FAM117A: variants seen among roughly 807,000 people sequenced by gnomAD.
The protein encoded by FAM117A is family with sequence similarity 117 member A.
In FAM117A, 21 loss-of-function variants were observed where a neutral mutation model predicts 44.1. The observed-to-expected ratio is 0.48, with a 90% CI of 0.34 to 0.69. The LOEUF is 0.69. Among genes scored for constraint, FAM117A ranks in the 30% least tolerant of loss-of-function variants. FAM117A has a pLI of 0.01. For missense variants in FAM117A, 498 were observed against 589.9 expected (o/e 0.84, Z 1.61); for synonymous variants, 220 against 238.3 (o/e 0.92, Z 0.71).
intron 1 of FAM117A, among the ~76,000 whole-genome samples, chr17:49,777,382 C>T (rs1011187790): frequency 1.3e-5 from 2 of 152,066 alleles, no homozygotes; most frequent in Admixed American, 6.5e-5. Context: ...TCCTTCAGAC[C>T]CAGCTTTGGG....
intron 1 of FAM117A, among the ~76,000 whole-genome samples, chr17:49,784,544 C>T (rs961477750): frequency 4.6e-5 from 7 of 152,162 alleles, no homozygotes; most frequent in African/African-American, 7.2e-5. Context: ...GTACCCTCCC[C>T]GGCACCCATA....
chr17:49,752,259 T>C (rs914633333), intron 1 of FAM117A, among the ~76,000 whole-genome samples: 2 of 152,218 alleles, frequency 1.3e-5, no homozygotes, highest in African/African-American at 4.8e-5. Flanking sequence ...ACTGGGCACA[T>C]GCCTGTCTCG....
At chr17:49,757,578 C>T (rs971576566) in intron 1 of FAM117A, among the ~76,000 whole-genome samples, 2 of 152,184 alleles carry the variant, frequency 1.3e-5, no homozygotes, top group African/African-American at 4.8e-5. Flanking sequence ...CCAGCTGTTA[C>T]GAGAACCTCC....
At chr17:49,739,395 G>A (rs1041051682) in intron 1 of FAM117A, among the ~76,000 whole-genome samples, 5 of 152,134 alleles carry the variant, frequency 3.3e-5, no homozygotes, top group Admixed American at 3.3e-4. Context: ...AAGTGATGCA[G>A]GGTAGAATAC....
chr17:49,717,738 C>T lies in FAM117A; in HGVS notation c.709-24G>A, dbSNP rs759586119. The T allele has an allele frequency of 7.0e-6, 11 of 1,563,970 alleles. No individual in the cohort carries two copies. The South Asian group carries it at 1.3e-4, about 19-fold the overall frequency. On this transcript the variant is annotated intron_variant, in intron 5 of 7. Coordinates refer to ENST00000240364, the MANE Select transcript of FAM117A (RefSeq NM_030802.4). ...ATCTAACGGGGAAGGACGGTAAAGACTGTCAGCCCTGAGTATTTCAGGCCT... is the reference window on the plus strand; with the variant it reads ...ATCTAACGGGGAAGGACGGTAAAGATTGTCAGCCCTGAGTATTTCAGGCCT...
chr17:49,722,732 G>T, intron 2 of FAM117A, 138 bp from the exon 3 acceptor site: 1 of 656,578 alleles, frequency 1.5e-6, no homozygotes, highest in Non-Finnish European at 2.7e-6. Flanking sequence ...CTCCCAGTCG[G>T]TGTTCTTCTT....
intron 5 of FAM117A, 180 bp downstream of exon 5, chr17:49,719,580 G>A (rs1293115419): frequency 6.6e-6 from 5 of 754,980 alleles, no homozygotes; most frequent in Admixed American, 3.1e-5. Context: ...AGTGACATGG[G>A]TTAAGGCCAT....
Position 49,764,036 on chromosome 17 carries a change from G to A in FAM117A, c.52C>T (p.Arg18Cys). The A allele has an allele frequency of 9.1e-7, 1 of 1,093,402 alleles. No individual in the cohort carries two copies. Among genetic ancestry groups the A allele is most frequent in the Non-Finnish European group, 1.1e-6 (1 of 877,682 alleles). 67.7% of individuals were successfully genotyped at this position (1,093,402 alleles called of 1,614,324 possible). A position where few individuals can be genotyped will look rare whatever the true frequency, so the allele number is the denominator to read the frequency against. ...GRGGGAWGPG[R>C]GGAGGLRRGC... ...CGCCGGAGCCCCCCGGCCCCTCCGC[G>A]CCCCGGCCCCCAGGCACCTCCGCCT... Residue 18 changes from arginine to cysteine, a missense_variant, in exon 1 of 8, where the codon CGC (arginine) becomes TGC (cysteine). By Grantham distance (180) the Arg-to-Cys change is radical (BLOSUM62 -3). Transcript: ENST00000240364.
intron 2 of FAM117A, 45 bp downstream of exon 2, chr17:49,732,506 C>G (rs769117334): frequency 6.3e-7 from 1 of 1,597,156 alleles, no homozygotes; most frequent in South Asian, 1.1e-5. Flanking sequence ...CCAGCTCTCC[C>G]GCCCCATCCT....
rs150090720 is a variant in FAM117A at position 49,730,845 on chromosome 17, C to A, written c.366+1706G>T. Among the ~76,000 whole-genome samples, 1,256 of 152,240 alleles carry A rather than the reference C, an allele frequency of 8.3e-3. 11 individuals are homozygous for A. Among genetic ancestry groups the A allele is most frequent in the African/African-American group, 0.012 (481 of 41,544 alleles). ...AGTCTATTTGTAGATCCAAAGAGGGCCATGATTTTAACTGCAGCAAATTCT... is the reference window on the plus strand; with the variant it reads ...AGTCTATTTGTAGATCCAAAGAGGGACATGATTTTAACTGCAGCAAATTCT... On this transcript the variant is annotated intron_variant, in intron 2 of 7. Coordinates refer to ENST00000240364, the MANE Select transcript of FAM117A (RefSeq NM_030802.4).
chr17:49,784,630 T>G (rs970860875), intron 1 of FAM117A, among the ~76,000 whole-genome samples: 2 of 152,236 alleles, frequency 1.3e-5, no homozygotes, highest in African/African-American at 4.8e-5. Context: ...ATTGTCCTTG[T>G]TTACTGGCAA....
upstream of FAM117A, among the ~76,000 whole-genome samples, chr17:49,764,706 T>G (rs2073739765): frequency 6.6e-6 from 1 of 152,252 alleles, no homozygotes. Flanking sequence ...ACTAAGATCC[T>G]ACAAATTAAT....
chr17:49,720,658 A>G (rs1015801311), intron 3 of FAM117A, among the ~76,000 whole-genome samples: 1 of 152,234 alleles, frequency 6.6e-6, no homozygotes, highest in African/African-American at 2.4e-5. Flanking sequence ...TTGGATTCCA[A>G]ATAATTAAAA....
intron 1 of FAM117A, among the ~76,000 whole-genome samples, chr17:49,750,213 A>C (rs1296361725): frequency 6.7e-6 from 1 of 148,774 alleles, no homozygotes. Flanking sequence ...CTTCACATGC[A>C]CTTTTTCTTA....
chr17:49,780,412 C>A (rs1052570229), intron 1 of FAM117A, among the ~76,000 whole-genome samples: 3 of 152,158 alleles, frequency 2.0e-5, no homozygotes, highest in African/African-American at 7.2e-5. Flanking sequence ...ATAATGGCCC[C>A]TCCACACATG....
chr17:49,763,111 T>C, intron 1 of FAM117A, among the ~76,000 whole-genome samples: 1 of 136,508 alleles, frequency 7.3e-6, no homozygotes, highest in African/African-American at 2.9e-5. Context: ...ACTGCCCAGG[T>C]CTCCCCCCCG....
intron 1 of FAM117A, among the ~76,000 whole-genome samples, chr17:49,787,331 T>TC (rs1315121351): frequency 2.0e-5 from 3 of 152,204 alleles, no homozygotes. Context: ...AAATAAGTTC[T>TC]TACGTGCAGT....
intron 1 of FAM117A, among the ~76,000 whole-genome samples, chr17:49,776,745 C>G (rs971209151): frequency 2.0e-5 from 3 of 152,038 alleles, no homozygotes; most frequent in African/African-American, 7.2e-5. Context: ...TTTCAGAAAG[C>G]CTGCCAAAGC....
At chr17:49,742,724 T>TCCCTC (rs1417470658) in intron 1 of FAM117A, among the ~76,000 whole-genome samples, 1 of 152,148 alleles carries the variant, frequency 6.6e-6, no homozygotes, top group African/African-American at 2.4e-5. Flanking sequence ...TGTTTTAAAC[T>TCCCTC]CAAAGGACAG....
Sources: allele counts gnomAD v4.1 joint callset (sites outside exome capture counted in the v4.1 genomes callset), GRCh38; gene constraint gnomAD v4.1.1; transcripts MANE v1.5; gene names NCBI Gene and HGNC (gene_info 2026-07-23, HGNC 2026-07-21).